The following EBF4 variants were observed in gnomAD, a reference collection of about 807,000 sequenced individuals.
EBF4 encodes EBF transcription factor 4.
A neutral mutation model predicts 67.1 loss-of-function variants in EBF4; 34 were observed. That is an observed-to-expected ratio of 0.51 (90% CI 0.39 to 0.67). EBF4 has a LOEUF of 0.67. Among genes scored for constraint, EBF4 ranks in the 30% least tolerant of loss-of-function variants. The probability of loss-of-function intolerance (pLI) is 0.00; values close to 1 mark genes in which losing one functional copy is unlikely to be tolerated. For synonymous variants in EBF4, 387 were observed against 377.7 expected, an observed-to-expected ratio of 1.02 and a Z score of -0.29; for missense variants, 837 against 873.3, an observed-to-expected ratio of 0.96 and a Z score of 0.52.
At position 2,756,290 on chromosome 20, in the gene EBF4, C is replaced by T. The variant is rs1380817408; in HGVS notation, c.1738+466C>T. Among the ~76,000 whole-genome samples, 1 of 152,240 alleles carries T rather than the reference C, an allele frequency of 6.6e-6. No individual in the cohort carries two copies. The highest frequency in any genetic ancestry group is 2.4e-5 in the African/African-American group (1 of 41,456). ...AGAAGAGGCTTAGCCCAGCTTCCCT[C>T]CCCGCATTTTACAGATTAGGACTTG... On this transcript the variant is annotated intron_variant, in intron 15 of 16. Transcript: ENST00000609451. The surrounding 1 kb of genome is among the most constrained non-coding windows in gnomAD (Gnocchi z 4.5).
chr20:2,693,653 C>T lies in EBF4; in HGVS notation c.8C>T (p.Pro3Leu). Residue 3 changes from proline (P) to leucine (L), a missense_variant, in exon 1 of 17, where the codon CCT (proline) becomes CTT (leucine). Physicochemically the swap from Pro to Leu is moderately conservative, Grantham distance 98. Coordinates refer to ENST00000609451, the Ensembl canonical transcript of EBF4. The surrounding 1 kb of genome is among the most constrained non-coding windows in gnomAD (Gnocchi z 4.6). ...CACTCACCGCGCGCCCTCATGTTCC[C>T]TGCGCAGGACGCTCTGCCCCGCAGC... is the stretch of plus-strand genomic sequence containing the variant. 2 of 1,440,864 alleles carry T rather than the reference C, an allele frequency of 1.4e-6. No individual in the cohort carries two copies. Among genetic ancestry groups the T allele is most frequent in the Non-Finnish European group, 1.8e-6 (2 of 1,103,944 alleles). The allele number at this position is 1,440,864 out of a possible 1,614,324, so 89.3% of individuals were successfully genotyped here. A position where few individuals can be genotyped will look rare whatever the true frequency, so the allele number is the denominator to read the frequency against.
At chr20:2,701,929 A>C (rs1196418513) in intron 1 of EBF4, among the ~76,000 whole-genome samples, 1 of 152,112 alleles carries the variant, frequency 6.6e-6, no homozygotes, top group Admixed American at 6.5e-5. Flanking sequence ...TAGCATATTC[A>C]TCAACAGTAA....
In EBF4 at chr20:2,756,997, C is replaced by G. The variant is rs1377936126; in HGVS notation, c.1738+1173C>G. ...TGACCTTGAGATGCAGGAAGAGACA[C>G]CCTCATGGTTTCCTCAGCCTGATGT... is the stretch of plus-strand genomic sequence containing the variant. On this transcript the variant is annotated intron_variant, in intron 15 of 16. Coordinates refer to ENST00000609451, the Ensembl canonical transcript of EBF4. The surrounding 1 kb of genome is among the most constrained non-coding windows in gnomAD (Gnocchi z 4.5). 6.6e-6 allele frequency among the ~76,000 whole-genome samples: 1 copy of G among 152,344 alleles called. No individual in the cohort carries two copies. The highest frequency in any genetic ancestry group is 1.9e-4 in the East Asian group (1 of 5,178).
At position 2,696,019 on chromosome 20, in the gene EBF4, G is replaced by A. The variant is rs1367286067; in HGVS notation, c.137+2237G>A. Among the ~76,000 whole-genome samples, 3 of 152,130 alleles carry A rather than the reference G, an allele frequency of 2.0e-5. No individual in the cohort carries two copies. Among genetic ancestry groups the A allele is most frequent in the Non-Finnish European group, 4.4e-5 (3 of 68,034 alleles). On this transcript the variant is annotated intron_variant, in intron 1 of 16. Transcript: ENST00000609451. The surrounding 1 kb of genome is among the most constrained non-coding windows in gnomAD (Gnocchi z 4.7). ...TGGCCCTCCACCCGCTTCCTCCCTG[G>A]CTTGAAGGTTAACTGCACCCTGGTT...
At chr20:2,701,226 G>A (rs1193518869) in intron 1 of EBF4, among the ~76,000 whole-genome samples, 4 of 152,226 alleles carry the variant, frequency 2.6e-5, no homozygotes, top group Non-Finnish European at 5.9e-5. Flanking sequence ...GCAGGATGCC[G>A]CTCTGGGCTG....
At chr20:2,736,673 A>G (rs570234268) in intron 6 of EBF4, among the ~76,000 whole-genome samples, 1 of 152,210 alleles carries the variant, frequency 6.6e-6, no homozygotes, top group South Asian at 2.1e-4. Context: ...CCCTCTTGCC[A>G]CCTGAATGCA....
chr20:2,705,537 G>A (rs1402118736), intron 1 of EBF4, 40 bp from the exon 2 acceptor site: 1 of 1,551,454 alleles, frequency 6.4e-7, no homozygotes, highest in Non-Finnish European at 8.7e-7. Flanking sequence ...TTCTCACTGG[G>A]GGGCCTTCCA....
chr20:2,717,700 A>G (rs1420790828), intron 6 of EBF4, among the ~76,000 whole-genome samples: 1 of 152,016 alleles, frequency 6.6e-6, no homozygotes, highest in Admixed American at 6.6e-5. Flanking sequence ...ACAAACAAAT[A>G]CTGTTTTATT....
chr20:2,695,390 G>T (rs76701206), intron 1 of EBF4, among the ~76,000 whole-genome samples: 1 of 152,320 alleles, frequency 6.6e-6, no homozygotes, highest in African/African-American at 2.4e-5. Context: ...TTCCCCCAGA[G>T]CATGGGCCAC....
chr20:2,695,764 CT>C (rs1487807859), intron 1 of EBF4, among the ~76,000 whole-genome samples: 3 of 152,236 alleles, frequency 2.0e-5, no homozygotes, highest in South Asian at 2.1e-4. Context: ...ATTCCTCCCC[CT>C]GGCCCTGCCT....
intron 6 of EBF4, among the ~76,000 whole-genome samples, chr20:2,732,417 C>T (rs561830605): frequency 7.2e-5 from 11 of 152,178 alleles, no homozygotes; most frequent in Non-Finnish European, 1.0e-4. Context: ...CCACCACACC[C>T]GGACTGTTAT....
At position 2,748,531 on chromosome 20, in the gene EBF4, C is replaced by G; in HGVS notation, c.558-18C>G. 6.4e-7 allele frequency: 1 copy of G among 1,550,444 alleles called. No homozygotes were observed. Among genetic ancestry groups the G allele is most frequent in the Non-Finnish European group, 8.7e-7 (1 of 1,145,962 alleles). On this transcript the variant is annotated intron_variant, in intron 6 of 16. Transcript: ENST00000609451. The stretch of plus-strand genomic sequence containing the variant: ...CAGAACCCCCAGACCCTTGAGCCCA[C>G]CGACCACACTGTTTCAGGTTCTTCC...
chr20:2,715,106 C>T (rs1346073515), intron 6 of EBF4, among the ~76,000 whole-genome samples: 1 of 152,052 alleles, frequency 6.6e-6, no homozygotes, highest in East Asian at 1.9e-4. Context: ...AGCCAGCTCC[C>T]CCCAGTCCCC....
exon 17 of EBF4, chr20:2,759,392 C>T (rs546596763): frequency 1.3e-3 from 285 of 215,504 alleles, no homozygotes; most frequent in African/African-American, 6.0e-3. Flanking sequence ...GTGAGCTGAA[C>T]GGGGAGAGGC....
In EBF4 at chr20:2,693,605, G is replaced by C. The variant is rs764358490; in HGVS notation, c.-41G>C. 7.4e-7 allele frequency: 1 copy of C among 1,355,104 alleles called. No homozygotes were observed. The highest frequency in any genetic ancestry group is 3.1e-5 in the East Asian group (1 of 32,432). The allele number at this position is 1,355,104 out of a possible 1,614,324, so 83.9% of individuals were successfully genotyped here. A position where few individuals can be genotyped will look rare whatever the true frequency, so the allele number is the denominator to read the frequency against. On this transcript the variant is annotated 5_prime_UTR_variant, in exon 1 of 17. Coordinates refer to ENST00000609451, the Ensembl canonical transcript of EBF4. This position sits in a 1 kb window ranked among gnomAD's most constrained non-coding sequence, Gnocchi z 4.6. Reference sequence around the variant, plus strand: ...AGACGCCCGCAGCCTCAGCGGGACCGGATCCGGGGCGGCGGGGGCGCTCAC... The same window carrying C: ...AGACGCCCGCAGCCTCAGCGGGACCCGATCCGGGGCGGCGGGGGCGCTCAC...
At chr20:2,749,194 G>A (rs906807589) in intron 7 of EBF4, among the ~76,000 whole-genome samples, 6 of 152,128 alleles carry the variant, frequency 3.9e-5, no homozygotes, top group Non-Finnish European at 8.8e-5. Flanking sequence ...TAGCGCCTGG[G>A]GAGTCAGTTC....
intron 6 of EBF4, among the ~76,000 whole-genome samples, chr20:2,735,475 T>C (rs1341278621): frequency 2.0e-5 from 3 of 152,248 alleles, no homozygotes; most frequent in Non-Finnish European, 4.4e-5. Flanking sequence ...ACACATGTTG[T>C]TAATTTTTAG....
chr20:2,749,585 C>G (rs2146497584), intron 8 of EBF4, 35 bp from the exon 9 acceptor site: 1 of 1,548,442 alleles, frequency 6.5e-7, no homozygotes, highest in African/African-American at 1.4e-5. Flanking sequence ...CACCTCAGCG[C>G]GGTCCCCTGA....
intron 9 of EBF4, 37 bp downstream of exon 9, chr20:2,749,790 G>T (rs1449412921): frequency 6.5e-7 from 1 of 1,541,466 alleles, no homozygotes; most frequent in Admixed American, 2.0e-5. Flanking sequence ...TGGGCCTAGG[G>T]GCTGGGCCCT....
Sources: gnomAD v4.1 joint callset for allele counts (sites outside exome capture counted in the v4.1 genomes callset) on GRCh38, gnomAD v4.1.1 for gene constraint, Gnocchi (gnomAD v3.1) non-coding constraint, MANE v1.5 for transcripts, NCBI Gene and HGNC (gene_info 2026-07-23, HGNC 2026-07-21) for gene names.